CPEB3: variants seen among roughly 807,000 people sequenced by gnomAD.
The protein encoded by CPEB3 is cytoplasmic polyadenylation element-binding protein 3.
Under a neutral mutation model 67.2 loss-of-function variants are expected in CPEB3, and 20 were observed. The ratio of observed to expected loss-of-function variants is 0.30; its 90% CI spans 0.21 to 0.43. The LOEUF is 0.43. CPEB3 is among the 20% of genes least tolerant of loss of function. CPEB3 has a pLI of 1.00. For missense variants in CPEB3, 746 were observed against 968.6 expected (o/e 0.77, Z 3.05); for synonymous variants, 376 against 393.1 (o/e 0.96, Z 0.51).
chr10:92,119,402 A>G (rs1331015567), intron 6 of CPEB3, among the ~76,000 whole-genome samples: 8 of 152,142 alleles, frequency 5.3e-5, no homozygotes, highest in African/African-American at 1.9e-4. Flanking sequence ...TTTGCCCACA[A>G]CTTGCCTACT....
intron 3 of CPEB3, among the ~76,000 whole-genome samples, chr10:92,190,692 AAAAAAAAAAAG>A (rs1312654461): frequency 1.8e-5 from 2 of 112,862 alleles, no homozygotes; most frequent in African/African-American, 7.0e-5. Flanking sequence ...AAAAAAAAAA[AAAAAAAAAAAG>A]GAGGAGGAAA....
At chr10:92,068,549 T>C (rs1419980235) in intron 9 of CPEB3, among the ~76,000 whole-genome samples, 1 of 152,198 alleles carries the variant, frequency 6.6e-6, no homozygotes, top group Non-Finnish European at 1.5e-5. Context: ...AATGTTCTAC[T>C]GAGATAAGTA....
At chr10:92,081,290 A>G (rs1392074332) in intron 9 of CPEB3, 30 bp downstream of exon 9, 34 of 1,613,230 alleles carry the variant, frequency 2.1e-5, no homozygotes, top group Non-Finnish European at 2.6e-5. Context: ...TTTCTCTCCC[A>G]TAGCAGTTTC....
At chr10:92,262,585 G>A (rs1435635080) in intron 1 of CPEB3, among the ~76,000 whole-genome samples, 2 of 152,200 alleles carry the variant, frequency 1.3e-5, no homozygotes, top group Admixed American at 6.5e-5. Context: ...GGTAGCTCAC[G>A]CCTATAATCC....
intron 3 of CPEB3, 33 bp from the exon 4 acceptor site, chr10:92,181,052 T>G (rs372490000): frequency 8.7e-7 from 1 of 1,145,500 alleles, no homozygotes. Context: ...GCAAAAAGAA[T>G]GTTTAATGTA....
chr10:92,222,902 G>A (rs993307616), intron 2 of CPEB3, among the ~76,000 whole-genome samples: 10 of 152,066 alleles, frequency 6.6e-5, no homozygotes, highest in African/African-American at 1.4e-4. Flanking sequence ...AATTCCATAA[G>A]GTCTAATTTC....
intron 8 of CPEB3, among the ~76,000 whole-genome samples, chr10:92,086,931 T>C (rs1291955485): frequency 6.6e-6 from 1 of 152,172 alleles, no homozygotes; most frequent in African/African-American, 2.4e-5. Flanking sequence ...GTTAATCAAG[T>C]CAGTATGCCA....
At chr10:92,103,436 A>G (rs1388391934) in intron 7 of CPEB3, among the ~76,000 whole-genome samples, 2 of 152,216 alleles carry the variant, frequency 1.3e-5, no homozygotes. Context: ...GAGCTAAGGA[A>G]GCTAAGGATC....
At chr10:92,106,687 T>G (rs943014516) in intron 7 of CPEB3, among the ~76,000 whole-genome samples, 1 of 151,584 alleles carries the variant, frequency 6.6e-6, no homozygotes, top group Non-Finnish European at 1.5e-5. Context: ...TGGTGACACA[T>G]GCCTGTAATC....
At chr10:92,271,658 T>A (rs531432213) in intron 1 of CPEB3, among the ~76,000 whole-genome samples, 3 of 152,324 alleles carry the variant, frequency 2.0e-5, no homozygotes, top group African/African-American at 7.2e-5. Flanking sequence ...AGAAGGAACA[T>A]GGTGTGGATT....
intron 1 of CPEB3, among the ~76,000 whole-genome samples, chr10:92,281,638 C>T (rs1255248278): frequency 1.3e-5 from 2 of 152,138 alleles, no homozygotes; most frequent in Admixed American, 1.3e-4. Context: ...ACTTTGGATA[C>T]AGAAGTATGC....
chr10:92,120,447 G>C (rs1381086927), intron 6 of CPEB3, among the ~76,000 whole-genome samples: 1 of 152,002 alleles, frequency 6.6e-6, no homozygotes, highest in Non-Finnish European at 1.5e-5. Context: ...AGCTGGGTGT[G>C]GTGGCGGGCG....
intron 3 of CPEB3, among the ~76,000 whole-genome samples, chr10:92,183,185 C>G (rs1047051440): frequency 6.6e-6 from 1 of 152,078 alleles, no homozygotes; most frequent in Non-Finnish European, 1.5e-5. Flanking sequence ...TCTAAAAGAA[C>G]CATCTATTTT....
intron 1 of CPEB3, among the ~76,000 whole-genome samples, chr10:92,245,133 C>CTTTTT (rs989695063): frequency 1.3e-4 from 13 of 98,074 alleles, no homozygotes; most frequent in Non-Finnish European, 1.8e-4. Context: ...AGAAAAGAGT[C>CTTTTT]TTTTTTTTTT....
chr10:92,118,733 G>A (rs1374208361), intron 6 of CPEB3: 2 of 745,052 alleles, frequency 2.7e-6, no homozygotes, highest in Non-Finnish European at 5.0e-6. Flanking sequence ...TATCAGAAAT[G>A]CTGTTCCTTT....
intron 3 of CPEB3, among the ~76,000 whole-genome samples, chr10:92,185,092 G>A (rs1337679990): frequency 1.3e-5 from 2 of 152,076 alleles, no homozygotes; most frequent in East Asian, 3.8e-4. Context: ...AACAAATACT[G>A]CTGTTTAATC....
At position 92,052,378 on chromosome 10, in the gene CPEB3, C is replaced by T. The variant is rs1290356970; in HGVS notation, c.1931G>A (p.Cys644Tyr). ...GAAGAACGGGGCAAACTTCCCACCA[C>T]AGCGTGTGCCCTGGCACTCATCACA... ...QMCDECQGTR[C>Y]GGKFAPFFCA... The change falls in exon 10 of 10, where the codon TGT (cysteine) becomes TAT (tyrosine). Residue 644 changes from cysteine to tyrosine, a missense_variant. By Grantham distance (194) the Cys-to-Tyr change is radical (BLOSUM62 -2). Coordinates refer to ENST00000265997, the MANE Select transcript of CPEB3 (RefSeq NM_014912.5). The T allele has an allele frequency of 1.2e-6, 2 of 1,614,144 alleles. No individual in the cohort carries two copies. Among genetic ancestry groups the T allele is most frequent in the African/African-American group, 2.7e-5 (2 of 74,948 alleles).
chr10:92,191,587 T>C (rs1360687654), intron 3 of CPEB3, among the ~76,000 whole-genome samples: 1 of 152,058 alleles, frequency 6.6e-6, no homozygotes, highest in East Asian at 1.9e-4. Flanking sequence ...TTCACAGTCA[T>C]TCACACTATA....
chr10:92,233,531 TA>T (rs57864053), intron 2 of CPEB3, among the ~76,000 whole-genome samples: 3,897 of 113,332 alleles, frequency 0.034, 107 homozygotes, highest in East Asian at 0.18. Context: ...ATTCTGTCTT[TA>T]AAAAAAAAAA....
Sources: allele counts gnomAD v4.1 joint callset (sites outside exome capture counted in the v4.1 genomes callset), GRCh38; gene constraint gnomAD v4.1.1; transcripts MANE v1.5; gene names NCBI Gene and HGNC (gene_info 2026-07-23, HGNC 2026-07-21).